Variants in BCL9L observed in about 807,000 individuals in gnomAD.
The protein encoded by BCL9L is B-cell CLL/lymphoma 9-like protein.
BCL9L carries 19 observed loss-of-function variants against 99.4 expected under a neutral mutation model. That is an observed-to-expected ratio of 0.19 (90% CI 0.13 to 0.28). BCL9L has a LOEUF of 0.28. Among genes scored for constraint, BCL9L ranks in the 10% least tolerant of loss-of-function variants. BCL9L has a pLI of 1.00. For missense variants in BCL9L, 2,023 were observed against 2,101.6 expected (o/e 0.96, Z 0.73); for synonymous variants, 900 against 854.8 (o/e 1.05, Z -0.92).
chr11:118,905,233 G>A (rs1250641856), intron 5 of BCL9L, among the ~76,000 whole-genome samples: 3 of 152,154 alleles, frequency 2.0e-5, no homozygotes, highest in Non-Finnish European at 4.4e-5. Context: ...GGCAGGCCGG[G>A]CACGGTGGCT....
intron 5 of BCL9L, among the ~76,000 whole-genome samples, chr11:118,905,193 C>G (rs941845184): frequency 1.3e-5 from 2 of 152,114 alleles, no homozygotes; most frequent in Non-Finnish European, 2.9e-5. Context: ...TTCTATCGCC[C>G]CTCCAGTAAG....
chr11:118,902,614 G>C lies in BCL9L; in HGVS notation c.1129C>G (p.Pro377Ala). 6.3e-7 allele frequency: 1 copy of C among 1,599,878 alleles called. No individual in the cohort carries two copies. ...PGGDPSSAPG[P>A]ALLGEAAAPG... ...GCGGCTGCCTCCCCCAGCAGGGCAG[G>C]GCCGGGGGCACTGCTGGGGTCTCCT... The change falls in exon 8 of 10, where the codon CCT (proline) becomes GCT (alanine). Residue 377 changes from proline to alanine, a missense_variant. Around this residue, in one of 3 missense-constraint regions of BCL9L, gnomAD observed 1,116 missense variants for 1,194.6 expected, o/e 0.93. Transcript: ENST00000683865. This position sits in a 1 kb window ranked among gnomAD's most constrained non-coding sequence, Gnocchi z 7.8.
rs772286426 is a variant in BCL9L at position 118,908,583 on chromosome 11, G to C, written c.99C>G (p.Ala33=). ...TTTCTGGGTGCATTGGCTTGGCTGG[G>C]GCAGGGGGGCAATGACCGCGGGGGG... is the stretch of plus-strand genomic sequence containing the variant. ...PLSPRGHCPP[A]PAKPMHPENK... The change falls in exon 4 of 10, where the codon GCC becomes GCG. Residue 33 remains alanine, a synonymous_variant. Transcript: ENST00000683865. 6.2e-7 allele frequency: 1 copy of C among 1,613,828 alleles called. No individual in the cohort carries two copies. The highest frequency in any genetic ancestry group is 8.5e-7 in the Non-Finnish European group (1 of 1,179,972).
intron 3 of BCL9L, among the ~76,000 whole-genome samples, chr11:118,909,580 A>G (rs1259676000): frequency 2.6e-5 from 4 of 152,176 alleles, no homozygotes; most frequent in African/African-American, 9.7e-5. Flanking sequence ...GACTGAGGCC[A>G]GAGGCGGCCT....
intron 1 of BCL9L, among the ~76,000 whole-genome samples, chr11:118,924,871 G>C (rs1451776815): frequency 6.6e-6 from 1 of 152,250 alleles, no homozygotes. Context: ...GAGGGCTGGG[G>C]TGCTGAGACC....
At position 118,900,525 on chromosome 11, in the gene BCL9L, C is replaced by T. The variant is rs1176819779; in HGVS notation, c.3124+94G>A. 3.3e-6 allele frequency: 5 copies of T among 1,500,600 alleles called. No individual in the cohort carries two copies. The highest frequency in any genetic ancestry group is 4.4e-6 in the Non-Finnish European group (5 of 1,131,354). 93.0% of individuals were successfully genotyped at this position (1,500,600 alleles called of 1,614,324 possible). A position where few individuals can be genotyped will look rare whatever the true frequency, so the allele number is the denominator to read the frequency against. ...CATCCACCTCTGGGCCCGTGGTACACAGGCCCTTACTCACTCACTGCCCAG... is the reference window on the plus strand; with the variant it reads ...CATCCACCTCTGGGCCCGTGGTACATAGGCCCTTACTCACTCACTGCCCAG... On this transcript the variant is annotated intron_variant, in intron 8 of 9. Coordinates refer to ENST00000683865, the MANE Select transcript of BCL9L (RefSeq NM_001378213.1). This position sits in a 1 kb window ranked among gnomAD's most constrained non-coding sequence, Gnocchi z 5.3.
chr11:118,900,838 G>T lies in BCL9L; in HGVS notation c.2905C>A (p.Pro969Thr). The T allele has an allele frequency of 2.5e-6, 4 of 1,613,050 alleles. No homozygotes were observed. The highest frequency in any genetic ancestry group is 3.4e-6 in the Non-Finnish European group (4 of 1,179,268). The change falls in exon 8 of 10, where the codon CCG becomes ACG. Residue 969 changes from proline to threonine, a missense_variant. Transcript: ENST00000683865. The surrounding 1 kb of genome is among the most constrained non-coding windows in gnomAD (Gnocchi z 5.3). The stretch of plus-strand genomic sequence containing the variant: ...TGGGGCGACTTGAGAGGTCCTGGCG[G>T]GTTGGCAGAAGGCAAGGGCACCATC... The part of the protein sequence containing the change: ...SQMVPLPSAN[P>T]PGPLKSPQVL...
At chr11:118,899,570 C>T in intron 9 of BCL9L, 62 bp from the exon 10 acceptor site, 1 of 1,575,544 alleles carries the variant, frequency 6.3e-7, no homozygotes, top group Non-Finnish European at 8.6e-7. Context: ...GGGTGCAGGG[C>T]TCAGGCCTTC....
intron 2 of BCL9L, among the ~76,000 whole-genome samples, chr11:118,915,977 C>G (rs991626963): frequency 6.6e-6 from 1 of 152,224 alleles, no homozygotes; most frequent in Non-Finnish European, 1.5e-5. Context: ...AACCCTCCAG[C>G]CATCTGTTCC....
intron 1 of BCL9L, among the ~76,000 whole-genome samples, chr11:118,923,358 A>G (rs903532206): frequency 1.3e-5 from 2 of 152,148 alleles, no homozygotes; most frequent in Admixed American, 6.5e-5. Flanking sequence ...ACCCCAGCCT[A>G]GGGCTCCCGC....
chr11:118,906,137 T>G (rs1190865479), intron 5 of BCL9L, among the ~76,000 whole-genome samples: 1 of 152,058 alleles, frequency 6.6e-6, no homozygotes, highest in Non-Finnish European at 1.5e-5. Flanking sequence ...GAGGTTGCAG[T>G]GAGCTGTGAT....
chr11:118,914,218 T>C lies in BCL9L; in HGVS notation c.-76-4203A>G, dbSNP rs1286109547. Among the ~76,000 whole-genome samples the C allele has an allele frequency of 1.3e-5, 2 of 152,102 alleles. No homozygotes were observed. Among genetic ancestry groups the C allele is most frequent in the Admixed American group, 1.3e-4 (2 of 15,272 alleles). On this transcript the variant is annotated intron_variant, in intron 2 of 9. Coordinates refer to ENST00000683865, the MANE Select transcript of BCL9L (RefSeq NM_001378213.1). The surrounding 1 kb of genome is among the most constrained non-coding windows in gnomAD (Gnocchi z 4.4). ...CCTGTGGGCCCTCACCTGGCCTCAG[T>C]CCTCCAAGGGGTTAATCTGTCCCCT...
At chr11:118,916,699 G>A (rs1940972224) in intron 2 of BCL9L, among the ~76,000 whole-genome samples, 4 of 152,174 alleles carry the variant, frequency 2.6e-5, no homozygotes, top group South Asian at 2.1e-4. Flanking sequence ...CAGGCCCATC[G>A]GGGCTCCCCC....
At position 118,898,939 on chromosome 11, in the gene BCL9L, A is replaced by T. The variant is rs745528653; in HGVS notation, c.3976T>A (p.Leu1326Met). ...TTCTCAGAGGGGATGATCCTCGACA[A>T]GTCGAACTCGGGGATCCCCGTTGGG... is the stretch of plus-strand genomic sequence containing the variant. Reference protein sequence around the residue: ...PTPTGIPEFDLSRIIPSEKPS... With the variant: ...PTPTGIPEFDMSRIIPSEKPS... The change falls in exon 10 of 10, where the codon TTG (leucine) becomes ATG (methionine). Residue 1326 changes from leucine to methionine, a missense_variant. By Grantham distance (15) the Leu-to-Met change is conservative. Transcript: ENST00000683865. The T allele has an allele frequency of 6.0e-5, 97 of 1,612,336 alleles. No homozygotes were observed. Among genetic ancestry groups the T allele is most frequent in the Non-Finnish European group, 7.5e-5 (89 of 1,178,842 alleles).
rs552026045 is a variant in BCL9L, at chr11:118,903,951, A to G, written c.533-499T>C. 2.0e-4 allele frequency among the ~76,000 whole-genome samples: 30 copies of G among 152,312 alleles called. No homozygotes were observed. The highest frequency in any genetic ancestry group is 3.5e-4 in the Non-Finnish European group (24 of 68,032). ...GAGGGTACACAAGCTGATGATCCAA[A>G]TGATGGATGGTTTTTCACTCTAGCC... On this transcript the variant is annotated intron_variant, in intron 5 of 9. Coordinates refer to ENST00000683865, the MANE Select transcript of BCL9L (RefSeq NM_001378213.1). The surrounding 1 kb of genome is among the most constrained non-coding windows in gnomAD (Gnocchi z 5.6).
In BCL9L at chr11:118,921,438, G is replaced by A. The variant is rs1941135714; in HGVS notation, c.-130-2559C>T. ...CACTCAGGGATTTCAAAACAATCCT[G>A]GTTTCGAAATGCTGGAAATGCTGGA... On this transcript the variant is annotated intron_variant, in intron 1 of 9. Coordinates refer to ENST00000683865, the MANE Select transcript of BCL9L (RefSeq NM_001378213.1). This position sits in a 1 kb window ranked among gnomAD's most constrained non-coding sequence, Gnocchi z 5.4. Among the ~76,000 whole-genome samples, 1 of 152,136 alleles carries A rather than the reference G, an allele frequency of 6.6e-6. No homozygotes were observed. The highest frequency in any genetic ancestry group is 1.5e-5 in the Non-Finnish European group (1 of 68,030).
intron 2 of BCL9L, among the ~76,000 whole-genome samples, chr11:118,916,921 T>C (rs1406790553): frequency 6.6e-6 from 1 of 152,188 alleles, no homozygotes; most frequent in East Asian, 1.9e-4. Flanking sequence ...AATGTCTTGT[T>C]TGCCTGGTGA....
At position 118,902,679 on chromosome 11, in the gene BCL9L, G is replaced by T; in HGVS notation, c.1064C>A (p.Thr355Asn). Residue 355 changes from threonine (T) to asparagine (N), a missense_variant, in exon 8 of 10, where the codon ACC becomes AAC. Around this residue, in one of 3 missense-constraint regions of BCL9L, gnomAD observed 1,116 missense variants for 1,194.6 expected, o/e 0.93. Transcript: ENST00000683865. This position sits in a 1 kb window ranked among gnomAD's most constrained non-coding sequence, Gnocchi z 7.8. The part of the protein sequence containing the change: ...GGGTGGTHPN[T>N]PTATTANNPL... The stretch of plus-strand genomic sequence containing the variant: ...GTTGTTGGCGGTGGTAGCCGTCGGG[G>T]TGTTAGGGTGGGTGCCCCCAGTCCC... 3 of 1,599,332 alleles carry T rather than the reference G, an allele frequency of 1.9e-6. No homozygotes were observed. The highest frequency in any genetic ancestry group is 1.3e-5 in the African/African-American group (1 of 74,988).
Position 118,896,271 on chromosome 11 carries a change from A to G in BCL9L, c.*2144T>C, listed in dbSNP as rs1306320450. 1 of 164,242 alleles carries G rather than the reference A, an allele frequency of 6.1e-6. No homozygotes were observed. The highest frequency in any genetic ancestry group is 2.4e-5 in the African/African-American group (1 of 41,194). The allele number at this position is 164,242 out of a possible 1,614,324, so 10.2% of individuals were successfully genotyped here. ...CCAAGAAGATGTCTTCACATATTGT[A>G]TTTATATATTTATATTTATATATAT... On this transcript the variant is annotated 3_prime_UTR_variant, in exon 10 of 10. Transcript: ENST00000683865.
Sources: allele counts gnomAD v4.1 joint callset (sites outside exome capture counted in the v4.1 genomes callset), GRCh38; gene constraint gnomAD v4.1.1; regional missense constraint gnomAD v4.1.1; non-coding constraint Gnocchi (gnomAD v3.1); transcripts MANE v1.5; gene names NCBI Gene and HGNC (gene_info 2026-07-23, HGNC 2026-07-21).